Variants in ROBO1 observed in about 807,000 individuals in gnomAD.
ROBO1 encodes roundabout guidance receptor 1, also known as roundabout homolog 1.
In ROBO1, 149 loss-of-function variants were observed where a neutral mutation model predicts 195.9. That is an observed-to-expected ratio of 0.76 (90% CI 0.67 to 0.87). ROBO1 has a LOEUF of 0.87. Among genes scored for constraint, ROBO1 ranks in the 40% least tolerant of loss-of-function variants. The probability of loss-of-function intolerance (pLI) is 0.00; values close to 1 mark genes in which losing one functional copy is unlikely to be tolerated. For synonymous variants in ROBO1, 816 were observed against 733.2 expected (o/e 1.11, Z -1.82); for missense variants, 1,933 against 2,068.3 (o/e 0.93, Z 1.27).
At chr3:79,752,324 T>A (rs1704163383) in intron 1 of ROBO1, among the ~76,000 whole-genome samples, 1 of 152,154 alleles carries the variant, frequency 6.6e-6, no homozygotes, top group Non-Finnish European at 1.5e-5. Context: ...ACTCAACACA[T>A]AATTTTTTAA....
intron 26 of ROBO1, among the ~76,000 whole-genome samples, chr3:78,624,487 T>C (rs1383773564): frequency 6.6e-6 from 1 of 152,086 alleles, no homozygotes; most frequent in East Asian, 1.9e-4. Context: ...AATAGTCAAA[T>C]TGATTGTAAG....
At chr3:78,888,521 C>T (rs1179340739) in intron 4 of ROBO1, among the ~76,000 whole-genome samples, 1 of 152,190 alleles carries the variant, frequency 6.6e-6, no homozygotes, top group African/African-American at 2.4e-5. Flanking sequence ...TACACACAGA[C>T]ACACATATAC....
chr3:79,149,867 T>C (rs2080731627), intron 2 of ROBO1, among the ~76,000 whole-genome samples: 1 of 151,874 alleles, frequency 6.6e-6, no homozygotes, highest in Non-Finnish European at 1.5e-5. Context: ...TTACTCCTGA[T>C]GGCAGGCCTT....
intron 2 of ROBO1, among the ~76,000 whole-genome samples, chr3:79,198,819 T>C (rs1049571291): frequency 6.6e-6 from 1 of 152,104 alleles, no homozygotes; most frequent in Non-Finnish European, 1.5e-5. Flanking sequence ...GGGAGTTCAC[T>C]CATGATTTGG....
chr3:79,554,306 A>T (rs186040588), intron 2 of ROBO1, among the ~76,000 whole-genome samples: 2 of 152,182 alleles, frequency 1.3e-5, no homozygotes, highest in Non-Finnish European at 2.9e-5. Flanking sequence ...GTGGTAATTT[A>T]TCAATGTAAA....
intron 1 of ROBO1, among the ~76,000 whole-genome samples, chr3:79,678,599 T>C (rs1310624088): frequency 1.3e-5 from 2 of 152,086 alleles, no homozygotes; most frequent in Non-Finnish European, 2.9e-5. Flanking sequence ...TCCTTAGAAA[T>C]TTTAGAATTC....
chr3:79,039,515 T>A (rs1270435133), intron 3 of ROBO1, among the ~76,000 whole-genome samples: 1 of 152,092 alleles, frequency 6.6e-6, no homozygotes, highest in Non-Finnish European at 1.5e-5. Context: ...TTCTGTCTTG[T>A]GGCTGAGCGC....
chr3:79,043,238 T>C (rs1480146511), intron 3 of ROBO1, among the ~76,000 whole-genome samples: 1 of 152,054 alleles, frequency 6.6e-6, no homozygotes, highest in Non-Finnish European at 1.5e-5. Flanking sequence ...ACAAGCCACA[T>C]CAAATAAAAG....
intron 2 of ROBO1, among the ~76,000 whole-genome samples, chr3:79,146,038 C>CAAAAA (rs33941210): frequency 6.8e-6 from 1 of 147,870 alleles, no homozygotes. Flanking sequence ...ATAAAGAAAG[C>CAAAAA]AAAAAAAAAA....
At chr3:79,112,460 A>G (rs1224566381) in intron 3 of ROBO1, among the ~76,000 whole-genome samples, 1 of 152,178 alleles carries the variant, frequency 6.6e-6, no homozygotes, top group Admixed American at 6.5e-5. Flanking sequence ...AAATGGTCGT[A>G]GCTAACGATC....
chr3:79,731,468 TG>T (rs1490945617), intron 1 of ROBO1, among the ~76,000 whole-genome samples: 1 of 152,140 alleles, frequency 6.6e-6, no homozygotes, highest in Non-Finnish European at 1.5e-5. Flanking sequence ...GATTTGGTGC[TG>T]ACCCCTGGTT....
chr3:78,726,567 CG>C (rs2082166833), intron 5 of ROBO1, among the ~76,000 whole-genome samples: 1 of 152,236 alleles, frequency 6.6e-6, no homozygotes, highest in Middle Eastern at 3.4e-3. Flanking sequence ...GATAGTCTAG[CG>C]TATCATCCTT....
chr3:79,201,608 C>T (rs550360776), intron 2 of ROBO1, among the ~76,000 whole-genome samples: 1 of 152,018 alleles, frequency 6.6e-6, no homozygotes, highest in Non-Finnish European at 1.5e-5. Context: ...ACATCTGGGG[C>T]TTTGGAGTTG....
At position 78,879,222 on chromosome 3, in the gene ROBO1, A is replaced by T. The variant is rs556582502; in HGVS notation, c.499+59379T>A. The stretch of plus-strand genomic sequence containing the variant: ...GGATGCAGATATTTATAACACAATG[A>T]TATTACACGCAGGGTTGAAGACATG... On this transcript the variant is annotated intron_variant, in intron 4 of 30. Transcript: ENST00000464233. 2.6e-5 allele frequency among the ~76,000 whole-genome samples: 4 copies of T among 152,342 alleles called. No homozygotes were observed. In the East Asian group the frequency reaches 7.7e-4, roughly 29 times the overall value.
At chr3:79,445,622 G>A (rs1397903058) in intron 2 of ROBO1, among the ~76,000 whole-genome samples, 3 of 149,360 alleles carry the variant, frequency 2.0e-5, no homozygotes, top group Admixed American at 6.7e-5. Context: ...TCACCCTCCC[G>A]AGTAGCTGGG....
At chr3:78,840,201 A>G (rs901642764) in intron 4 of ROBO1, among the ~76,000 whole-genome samples, 1 of 152,178 alleles carries the variant, frequency 6.6e-6, no homozygotes, top group African/African-American at 2.4e-5. Context: ...AGCTGTCCTG[A>G]TCATCCAAAG....
intron 8 of ROBO1, among the ~76,000 whole-genome samples, chr3:78,702,549 G>A (rs1295113286): frequency 6.6e-6 from 1 of 152,130 alleles, no homozygotes; most frequent in Non-Finnish European, 1.5e-5. Context: ...AAGTATGTGA[G>A]GCTGTTAAAA....
rs113781391 is a variant in ROBO1, at chr3:79,278,377, AAAAC to A, written c.89-152842_89-152839del. 1.1e-3 allele frequency among the ~76,000 whole-genome samples: 167 copies of A among 150,982 alleles called. 1 individual carries two copies. The highest frequency in any genetic ancestry group is 2.7e-3 in the South Asian group (13 of 4,796). ...CCAAAAGCAACCCTGAGCAAAAACA[AAAAC>A]AAACAAACAAACAAACAAACAAACA... On this transcript the variant is annotated intron_variant, in intron 2 of 30. Transcript: ENST00000464233.
At chr3:78,845,113 C>T (rs965664323) in intron 4 of ROBO1, among the ~76,000 whole-genome samples, 2 of 152,038 alleles carry the variant, frequency 1.3e-5, no homozygotes, top group Non-Finnish European at 2.9e-5. Flanking sequence ...TGTATCCTAT[C>T]CTTTTGCTGC....
Sources: allele counts gnomAD v4.1 joint callset (sites outside exome capture counted in the v4.1 genomes callset), GRCh38; gene constraint gnomAD v4.1.1; transcripts MANE v1.5; gene names NCBI Gene and HGNC (gene_info 2026-07-23, HGNC 2026-07-21).